The following CGNL1 variants were observed in gnomAD, a reference collection of about 807,000 sequenced individuals.
The protein encoded by CGNL1 is cingulin-like protein 1.
CGNL1 carries 132 observed loss-of-function variants against 141.2 expected under a neutral mutation model. The observed-to-expected ratio is 0.93, with a 90% CI of 0.81 to 1.08. The LOEUF (loss-of-function observed/expected upper bound fraction) is 1.08. Ranked by LOEUF, CGNL1 falls within the 50% of genes least tolerant of loss-of-function variation. The pLI, the probability that CGNL1 is intolerant of heterozygous loss-of-function variation, is 0.00. For synonymous variants in CGNL1, 690 were observed against 622.1 expected (o/e 1.11, Z -1.63); for missense variants, 1,870 against 1,588.6 (o/e 1.18, Z -3.01).
At chr15:57,461,107 C>T (rs1331617617) in intron 7 of CGNL1, among the ~76,000 whole-genome samples, 3 of 152,120 alleles carry the variant, frequency 2.0e-5, no homozygotes, top group Admixed American at 2.0e-4. Flanking sequence ...TATAGTGGAG[C>T]CTGTTGCCCC....
intron 8 of CGNL1, among the ~76,000 whole-genome samples, chr15:57,504,448 T>G (rs965261499): frequency 6.6e-6 from 1 of 152,218 alleles, no homozygotes; most frequent in Non-Finnish European, 1.5e-5. Context: ...CAGATTTTGT[T>G]TTTAATGGAT....
intron 1 of CGNL1, among the ~76,000 whole-genome samples, chr15:57,413,961 T>G (rs1406694474): frequency 4.6e-5 from 7 of 152,238 alleles, no homozygotes; most frequent in African/African-American, 1.7e-4. Flanking sequence ...TACCCGGGGC[T>G]ATGGATCTCA....
intron 1 of CGNL1, among the ~76,000 whole-genome samples, chr15:57,427,578 G>A (rs1885748337): frequency 6.6e-6 from 1 of 152,248 alleles, no homozygotes; most frequent in South Asian, 2.1e-4. Flanking sequence ...TTTCCCTGAT[G>A]AGGACAAAGA....
chr15:57,417,059 A>G lies in CGNL1; in HGVS notation c.-15-20926A>G, dbSNP rs1404032803. ...TGAGCCTCAGTTGCTTCACCTGCAA[A>G]ATGGTGTTAATTAATACTTACCTGG... On this transcript the variant is annotated intron_variant, in intron 1 of 18. Coordinates refer to ENST00000281282, the MANE Select transcript of CGNL1 (RefSeq NM_032866.5). 4.6e-5 allele frequency among the ~76,000 whole-genome samples: 7 copies of G among 152,126 alleles called. No homozygotes were observed. The East Asian group carries it at 1.3e-3, about 29-fold the overall frequency.
At chr15:57,405,075 G>T (rs2062700688) in intron 1 of CGNL1, 1 of 151,636 alleles carries the variant, frequency 6.6e-6, no homozygotes, top group African/African-American at 2.4e-5. Flanking sequence ...TCTTTTTTTT[G>T]AAATATGAGA....
Position 57,547,513 on chromosome 15 carries a change from T to C in CGNL1, c.*23T>C, listed in dbSNP as rs1349810660. On this transcript the variant is annotated 3_prime_UTR_variant, in exon 19 of 19. Coordinates refer to ENST00000281282, the MANE Select transcript of CGNL1 (RefSeq NM_032866.5). Reference sequence around the variant, plus strand: ...TGAGTGCTCTCCCGGGCTGTGGAAGTACCTGTCATTCCTGCAGGAGCTGCA... The same window carrying C: ...TGAGTGCTCTCCCGGGCTGTGGAAGCACCTGTCATTCCTGCAGGAGCTGCA... The C allele has an allele frequency of 6.8e-6, 11 of 1,607,070 alleles. No individual in the cohort carries two copies. The highest frequency in any genetic ancestry group is 9.3e-6 in the Non-Finnish European group (11 of 1,176,586).
At chr15:57,476,559 C>T (rs1376184543) in intron 8 of CGNL1, among the ~76,000 whole-genome samples, 1 of 152,084 alleles carries the variant, frequency 6.6e-6, no homozygotes, top group Non-Finnish European at 1.5e-5. Context: ...TCAGTAGAAA[C>T]CATCAGAGTA....
intron 8 of CGNL1, among the ~76,000 whole-genome samples, chr15:57,513,256 GTGT>G (rs1567162777): frequency 9.0e-5 from 10 of 110,798 alleles, no homozygotes; most frequent in African/African-American, 3.5e-4. Flanking sequence ...CAATATGGGT[GTGT>G]GTGTGTGTGT....
intron 8 of CGNL1, among the ~76,000 whole-genome samples, chr15:57,476,410 A>G (rs957217766): frequency 2.6e-5 from 4 of 152,184 alleles, no homozygotes; most frequent in African/African-American, 7.2e-5. Context: ...TATGCCTTTT[A>G]TAGTTTTACC....
Position 57,531,821 on chromosome 15 carries a change from G to A in CGNL1, c.3291+42G>A, listed in dbSNP as rs201512037. 4.6e-6 allele frequency: 6 copies of A among 1,291,132 alleles called. No individual in the cohort carries two copies. In the East Asian group the frequency reaches 1.4e-4, roughly 30 times the overall value. 80.0% of individuals were successfully genotyped at this position (1,291,132 alleles called of 1,614,324 possible). A position where few individuals can be genotyped will look rare whatever the true frequency, so the allele number is the denominator to read the frequency against. On this transcript the variant is annotated intron_variant, in intron 14 of 18. Transcript: ENST00000281282. Reference sequence around the variant, plus strand: ...GAATGATGCGTGGATTGTCCTGTGTGAAAAAGGAACATGAGGGGTTAATCC... The same window carrying A: ...GAATGATGCGTGGATTGTCCTGTGTAAAAAAGGAACATGAGGGGTTAATCC...
rs1407825292 is a variant in CGNL1, at chr15:57,543,704, G to C, written c.3300G>C (p.Gln1100His). 2 of 1,613,670 alleles carry C rather than the reference G, an allele frequency of 1.2e-6. No homozygotes were observed. Among genetic ancestry groups the C allele is most frequent in the South Asian group, 2.2e-5 (2 of 91,052 alleles). ...TGTTCTGCTTGCTGTAGATGGAGCA[G>C]TTGAGGAATGAGCTACTTCAGGAGA... ...RISRSREQME[Q>H]LRNELLQERA... Residue 1100 changes from glutamine to histidine, a missense_variant, in exon 15 of 19, where the codon CAG becomes CAC. By Grantham distance (24) the Gln-to-His change is conservative. Transcript: ENST00000281282.
intron 1 of CGNL1, chr15:57,405,235 T>A (rs2062702697): frequency 6.6e-6 from 1 of 152,220 alleles, no homozygotes; most frequent in African/African-American, 2.4e-5. Context: ...AGATGATGGC[T>A]GCCTTTTTCA....
chr15:57,439,675 A>G (rs2063160865), intron 2 of CGNL1, 74 bp downstream of exon 2: 1 of 1,376,696 alleles, frequency 7.3e-7, no homozygotes, highest in Non-Finnish European at 1.0e-6. Flanking sequence ...CTTATGCTGC[A>G]GGAGGCCATA....
At chr15:57,509,588 G>A (rs541635061) in intron 8 of CGNL1, among the ~76,000 whole-genome samples, 1 of 152,306 alleles carries the variant, frequency 6.6e-6, no homozygotes, top group South Asian at 2.1e-4. Flanking sequence ...GGGGGGTTTG[G>A]TACTCATCTC....
intron 1 of CGNL1, among the ~76,000 whole-genome samples, chr15:57,379,051 TG>T (rs1290450066): frequency 7.3e-5 from 11 of 151,540 alleles, no homozygotes; most frequent in African/African-American, 2.7e-4. Context: ...GTTTTTTTTG[TG>T]TGTGTGTGTG....
At position 57,442,354 on chromosome 15, in the gene CGNL1, T is replaced by A; in HGVS notation, c.1698-19T>A. On this transcript the variant is annotated intron_variant, in intron 3 of 18. Transcript: ENST00000281282. ...AGTGGTTGTGTCCCTCATTGTTTTCTCTGCTGTCCCTTTTTCAGAAGCACT... is the reference window on the plus strand; with the variant it reads ...AGTGGTTGTGTCCCTCATTGTTTTCACTGCTGTCCCTTTTTCAGAAGCACT... 1 of 1,526,284 alleles carries A rather than the reference T, an allele frequency of 6.6e-7. No individual in the cohort carries two copies. 94.5% of individuals were successfully genotyped at this position (1,526,284 alleles called of 1,614,324 possible).
chr15:57,506,023 C>G (rs773082417), intron 8 of CGNL1, among the ~76,000 whole-genome samples: 3 of 152,176 alleles, frequency 2.0e-5, no homozygotes, highest in Non-Finnish European at 2.9e-5. Flanking sequence ...TGTGAGCTTC[C>G]AGATTGAGCC....
At position 57,491,769 on chromosome 15, in the gene CGNL1, A is replaced by G. The variant is rs985635047; in HGVS notation, c.2404-25011A>G. 4.6e-5 allele frequency among the ~76,000 whole-genome samples: 7 copies of G among 152,368 alleles called. No individual in the cohort carries two copies. The South Asian group carries it at 1.2e-3, about 27-fold the overall frequency. Reference sequence around the variant, plus strand: ...TACTCTCTCTACTTTAGAGAACAGCATAAGTTTTGCAATGAGAATGTGTCA... The same window carrying G: ...TACTCTCTCTACTTTAGAGAACAGCGTAAGTTTTGCAATGAGAATGTGTCA... On this transcript the variant is annotated intron_variant, in intron 8 of 18. Transcript: ENST00000281282.
At chr15:57,480,591 G>T (rs1332155580) in intron 8 of CGNL1, among the ~76,000 whole-genome samples, 1 of 152,204 alleles carries the variant, frequency 6.6e-6, no homozygotes, top group South Asian at 2.1e-4. Flanking sequence ...TCATTTGTCT[G>T]TGGGGGAAAA....
Sources: allele counts gnomAD v4.1 joint callset (sites outside exome capture counted in the v4.1 genomes callset), GRCh38; gene constraint gnomAD v4.1.1; transcripts MANE v1.5; gene names NCBI Gene and HGNC (gene_info 2026-07-23, HGNC 2026-07-21).